INPP4B: variants seen among roughly 807,000 people sequenced by gnomAD.
INPP4B encodes inositol polyphosphate 4-phosphatase type II.
In INPP4B, 55 loss-of-function variants were observed where a neutral mutation model predicts 122.5. The observed-to-expected ratio is 0.45, with a 90% confidence interval of 0.36 to 0.56. INPP4B has a LOEUF of 0.56. INPP4B is among the 20% of genes least tolerant of loss of function. The probability of loss-of-function intolerance (pLI) is 0.00; values close to 1 mark genes in which losing one functional copy is unlikely to be tolerated. For synonymous variants in INPP4B, 403 were observed against 388.7 expected (o/e 1.04, Z -0.43); for missense variants, 1,000 against 1,097.7 (o/e 0.91, Z 1.26).
At chr4:142,293,673 A>C (rs933926560) in intron 9 of INPP4B, among the ~76,000 whole-genome samples, 5 of 152,200 alleles carry the variant, frequency 3.3e-5, no homozygotes, top group African/African-American at 1.2e-4. Context: ...ATTGCAAACA[A>C]TCTCTCTTAG....
At chr4:142,672,342 C>T (rs1338228858) in intron 2 of INPP4B, among the ~76,000 whole-genome samples, 1 of 152,144 alleles carries the variant, frequency 6.6e-6, no homozygotes. Flanking sequence ...GCTCTTCCAT[C>T]TGCATTCACA....
At chr4:142,068,588 T>C (rs1245824184) in intron 25 of INPP4B, among the ~76,000 whole-genome samples, 1 of 152,046 alleles carries the variant, frequency 6.6e-6, no homozygotes, top group African/African-American at 2.4e-5. Flanking sequence ...AGGAGACCCA[T>C]CTCACGTGCA....
At chr4:142,817,482 C>T (rs1780246044) in intron 1 of INPP4B, among the ~76,000 whole-genome samples, 1 of 152,124 alleles carries the variant, frequency 6.6e-6, no homozygotes, top group South Asian at 2.1e-4. Context: ...CGTACGGCTG[C>T]ATCAGACCTT....
At chr4:142,171,140 G>T in intron 16 of INPP4B, among the ~76,000 whole-genome samples, 1 of 151,676 alleles carries the variant, frequency 6.6e-6, no homozygotes, top group East Asian at 1.9e-4. Flanking sequence ...GAGGAGAGAT[G>T]CCACCTCATT....
At chr4:142,229,134 T>C (rs1241563654) in intron 12 of INPP4B, among the ~76,000 whole-genome samples, 1 of 151,018 alleles carries the variant, frequency 6.6e-6, no homozygotes, top group Non-Finnish European at 1.5e-5. Context: ...TTTTCTACAT[T>C]TAATTTATTT....
At chr4:142,265,431 C>T (rs1742276338) in intron 10 of INPP4B, among the ~76,000 whole-genome samples, 1 of 152,112 alleles carries the variant, frequency 6.6e-6, no homozygotes. Flanking sequence ...CCGTTAGTAA[C>T]AGATAATATT....
At chr4:142,104,227 T>C (rs1212692862) in intron 23 of INPP4B, among the ~76,000 whole-genome samples, 14 of 152,274 alleles carry the variant, frequency 9.2e-5, no homozygotes, top group African/African-American at 2.6e-4. Context: ...AGGGGCTTTA[T>C]CCACTTCCTT....
chr4:142,403,912 C>T (rs1802468462), intron 6 of INPP4B, among the ~76,000 whole-genome samples: 1 of 151,596 alleles, frequency 6.6e-6, no homozygotes, highest in Admixed American at 6.6e-5. Context: ...TAAAATGTGC[C>T]AAAATAAGAC....
At chr4:142,054,631 T>C (rs1009543689) in intron 25 of INPP4B, among the ~76,000 whole-genome samples, 3 of 151,866 alleles carry the variant, frequency 2.0e-5, no homozygotes, top group Non-Finnish European at 4.4e-5. Context: ...GGGTATCTGA[T>C]TGACTGGACT....
chr4:142,042,381 C>T (rs1445514077), intron 25 of INPP4B, among the ~76,000 whole-genome samples: 1 of 152,062 alleles, frequency 6.6e-6, no homozygotes, highest in Admixed American at 6.6e-5. Context: ...TTTTCATCTG[C>T]TCATCACCAA....
At chr4:142,536,988 G>A (rs557550932) in intron 2 of INPP4B, among the ~76,000 whole-genome samples, 2 of 151,924 alleles carry the variant, frequency 1.3e-5, no homozygotes, top group African/African-American at 2.4e-5. Context: ...GTAGAGACAG[G>A]GTTTCACCAT....
chr4:142,562,188 G>A (rs1730621825), intron 2 of INPP4B, among the ~76,000 whole-genome samples: 1 of 152,150 alleles, frequency 6.6e-6, no homozygotes, highest in Non-Finnish European at 1.5e-5. Flanking sequence ...TAAAGGAAAA[G>A]TTACCAAGTG....
intron 12 of INPP4B, 72 bp from the exon 13 acceptor site, chr4:142,209,098 G>T: frequency 9.3e-7 from 1 of 1,076,792 alleles, no homozygotes; most frequent in Non-Finnish European, 1.3e-6. Context: ...CTTAGTCAGA[G>T]TTGTCAAGAT....
intron 2 of INPP4B, among the ~76,000 whole-genome samples, chr4:142,527,095 C>T (rs1182615391): frequency 6.6e-6 from 1 of 151,744 alleles, no homozygotes; most frequent in East Asian, 1.9e-4. Flanking sequence ...TTAAAATATG[C>T]CCAATATGAA....
At chr4:142,433,000 C>T (rs1463550893) in intron 3 of INPP4B, among the ~76,000 whole-genome samples, 1 of 152,108 alleles carries the variant, frequency 6.6e-6, no homozygotes, top group African/African-American at 2.4e-5. Flanking sequence ...CCATTTTAAG[C>T]ATACTATCCA....
intron 11 of INPP4B, among the ~76,000 whole-genome samples, chr4:142,244,067 C>A (rs989946053): frequency 6.6e-6 from 1 of 151,772 alleles, no homozygotes; most frequent in Non-Finnish European, 1.5e-5. Context: ...CCCTAGCCCC[C>A]CACCCCCTGA....
chr4:142,627,062 C>T (rs939543782), intron 2 of INPP4B, among the ~76,000 whole-genome samples: 1 of 151,930 alleles, frequency 6.6e-6, no homozygotes, highest in Non-Finnish European at 1.5e-5. Context: ...TACAAGAGCC[C>T]TTCACTGTGA....
chr4:142,765,735 T>C (rs1476777380), intron 1 of INPP4B: 1 of 152,138 alleles, frequency 6.6e-6, no homozygotes, highest in East Asian at 1.9e-4. Flanking sequence ...TTCTTTTATT[T>C]ATATAAACAT....
intron 1 of INPP4B, among the ~76,000 whole-genome samples, chr4:142,771,543 T>G (rs970024217): frequency 2.0e-5 from 3 of 151,974 alleles, no homozygotes; most frequent in Admixed American, 2.0e-4. Context: ...GAAAAGGAGA[T>G]GGTAAAAATA....
Sources: allele counts gnomAD v4.1 joint callset (sites outside exome capture counted in the v4.1 genomes callset), GRCh38; gene constraint gnomAD v4.1.1; transcripts MANE v1.5; gene names NCBI Gene and HGNC (gene_info 2026-07-23, HGNC 2026-07-21).